The following NRG3 variants were observed in gnomAD, a reference collection of about 807,000 sequenced individuals.
NRG3 encodes the protein pro-neuregulin-3, membrane-bound isoform.
Under a neutral mutation model 66.9 loss-of-function variants are expected in NRG3, and 31 were observed. The ratio of observed to expected loss-of-function variants is 0.46; its 90% CI spans 0.35 to 0.63. NRG3 has a LOEUF of 0.63. Among genes scored for constraint, NRG3 ranks in the 20% least tolerant of loss-of-function variants. The pLI is 0.00. For missense variants in NRG3, 910 were observed against 878.9 expected, an observed-to-expected ratio of 1.04 and a Z score of -0.45; for synonymous variants, 393 against 359.4, an observed-to-expected ratio of 1.09 and a Z score of -1.06.
At chr10:82,886,881 T>C (rs1842764993) in intron 4 of NRG3, among the ~76,000 whole-genome samples, 1 of 152,252 alleles carries the variant, frequency 6.6e-6, no homozygotes. Context: ...AATGTATTTA[T>C]ACCTAGATAG....
At chr10:82,324,251 C>T (rs1341785372) in intron 1 of NRG3, among the ~76,000 whole-genome samples, 2 of 152,184 alleles carry the variant, frequency 1.3e-5, no homozygotes, top group African/African-American at 4.8e-5. Flanking sequence ...AATACCTCTA[C>T]AGTCTGTAGT....
At chr10:82,484,252 C>T (rs1010021272) in intron 2 of NRG3, among the ~76,000 whole-genome samples, 9 of 152,128 alleles carry the variant, frequency 5.9e-5, no homozygotes, top group Non-Finnish European at 1.2e-4. Context: ...GTGGGTGAGA[C>T]GTTAAGTTTC....
intron 2 of NRG3, among the ~76,000 whole-genome samples, chr10:82,391,337 A>G (rs1460654511): frequency 6.6e-6 from 1 of 152,184 alleles, no homozygotes; most frequent in East Asian, 1.9e-4. Flanking sequence ...AAGAACACAA[A>G]AGAGGTATAA....
At chr10:82,673,977 ATGAT>A (rs1211641958) in intron 2 of NRG3, among the ~76,000 whole-genome samples, 1 of 152,096 alleles carries the variant, frequency 6.6e-6, no homozygotes, top group Non-Finnish European at 1.5e-5. Flanking sequence ...GTTTAGGAGA[ATGAT>A]TGAATTAGTC....
intron 2 of NRG3, among the ~76,000 whole-genome samples, chr10:82,382,942 G>A (rs2085717056): frequency 6.6e-6 from 1 of 151,840 alleles, no homozygotes; most frequent in South Asian, 2.1e-4. Flanking sequence ...CTCTAATAAT[G>A]TACTTAAGAC....
chr10:82,630,193 T>C (rs895546870), intron 2 of NRG3, among the ~76,000 whole-genome samples: 1 of 151,876 alleles, frequency 6.6e-6, no homozygotes, highest in Non-Finnish European at 1.5e-5. Flanking sequence ...CCCAAATGAA[T>C]TCGGAATAAG....
chr10:82,444,611 G>T (rs1167917962), intron 2 of NRG3, among the ~76,000 whole-genome samples: 1 of 152,054 alleles, frequency 6.6e-6, no homozygotes, highest in Non-Finnish European at 1.5e-5. Flanking sequence ...GAGCTAGACA[G>T]GACCAATGAA....
chr10:82,313,582 C>T (rs2081144675), intron 1 of NRG3, among the ~76,000 whole-genome samples: 1 of 152,048 alleles, frequency 6.6e-6, no homozygotes, highest in South Asian at 2.1e-4. Context: ...CATGGCCAGT[C>T]CTGACCTCTC....
At chr10:81,895,131 C>CT (rs992330454) in intron 1 of NRG3, among the ~76,000 whole-genome samples, 7 of 152,084 alleles carry the variant, frequency 4.6e-5, no homozygotes, top group African/African-American at 1.4e-4. Flanking sequence ...GTTGGTCGGG[C>CT]TACACATGCC....
chr10:82,300,334 T>C (rs1189744356), intron 1 of NRG3, among the ~76,000 whole-genome samples: 1 of 152,216 alleles, frequency 6.6e-6, no homozygotes, highest in Non-Finnish European at 1.5e-5. Flanking sequence ...GATTAATAGA[T>C]GATGGTTTCT....
intron 1 of NRG3, among the ~76,000 whole-genome samples, chr10:82,155,911 T>C (rs927435555): frequency 6.6e-6 from 1 of 151,808 alleles, no homozygotes; most frequent in Admixed American, 6.6e-5. Context: ...AGCTGCTTCC[T>C]GGTCTACATT....
At chr10:82,932,965 T>TTCTTC (rs1170499973) in intron 4 of NRG3, among the ~76,000 whole-genome samples, 9 of 152,198 alleles carry the variant, frequency 5.9e-5, no homozygotes, top group African/African-American at 2.2e-4. Context: ...TCACTCGCCT[T>TTCTTC]TCTTCTCTTC....
intron 1 of NRG3, among the ~76,000 whole-genome samples, chr10:82,111,480 G>T (rs1433017627): frequency 2.0e-5 from 3 of 152,052 alleles, no homozygotes; most frequent in African/African-American, 7.2e-5. Flanking sequence ...CAGTTAATTA[G>T]CATGCCCTCT....
At position 82,386,644 on chromosome 10, in the gene NRG3, C is replaced by T. The variant is rs73316176; in HGVS notation, c.953+27776C>T. Among the ~76,000 whole-genome samples the T allele has an allele frequency of 2.3e-3, 353 of 152,246 alleles. 2 individuals are homozygous for T. The highest frequency in any genetic ancestry group is 8.3e-3 in the African/African-American group (343 of 41,518). On this transcript the variant is annotated intron_variant, in intron 2 of 8. Transcript: ENST00000372141. ...ACCCATATTGAAGATATTTTTACTA[C>T]TTTCCTTTATACTCGGAAAGATCCA...
chr10:82,573,190 ATTGCC>A (rs1399203743), intron 2 of NRG3, among the ~76,000 whole-genome samples: 4 of 151,936 alleles, frequency 2.6e-5, no homozygotes, highest in Admixed American at 2.0e-4. Flanking sequence ...AATGTACTGC[ATTGCC>A]TTTGTTAGAG....
intron 3 of NRG3, among the ~76,000 whole-genome samples, chr10:82,767,840 T>A (rs1487148157): frequency 6.6e-6 from 1 of 151,930 alleles, no homozygotes; most frequent in African/African-American, 2.4e-5. Context: ...GTTGGTAATA[T>A]AATATTTTCT....
At chr10:82,656,340 A>G (rs1425522919) in intron 2 of NRG3, among the ~76,000 whole-genome samples, 2 of 137,608 alleles carry the variant, frequency 1.5e-5, no homozygotes, top group Admixed American at 7.9e-5. Flanking sequence ...TAACCTCCAC[A>G]TGCTGGAATG....
intron 7 of NRG3, among the ~76,000 whole-genome samples, chr10:82,974,410 G>T: frequency 6.6e-6 from 1 of 152,148 alleles, no homozygotes; most frequent in Non-Finnish European, 1.5e-5. Flanking sequence ...AAGCTTCCCA[G>T]AAATTGGCTG....
chr10:82,306,499 C>G (rs1057261974), intron 1 of NRG3, among the ~76,000 whole-genome samples: 6 of 151,510 alleles, frequency 4.0e-5, no homozygotes, highest in African/African-American at 7.3e-5. Context: ...GTCAGGAGAT[C>G]CAGACCATCC....
Sources: gnomAD v4.1 joint callset for allele counts (sites outside exome capture counted in the v4.1 genomes callset) on GRCh38, gnomAD v4.1.1 for gene constraint, MANE v1.5 for transcripts, NCBI Gene and HGNC (gene_info 2026-07-23, HGNC 2026-07-21) for gene names.